TRABD2B: variants seen among roughly 807,000 people sequenced by gnomAD.
TRABD2B encodes the protein metalloprotease TIKI2.
A neutral mutation model predicts 40.1 loss-of-function variants in TRABD2B; 14 were observed. The ratio of observed to expected loss-of-function variants is 0.35; its 90% CI spans 0.23 to 0.55. The LOEUF (loss-of-function observed/expected upper bound fraction) is 0.55. Among genes scored for constraint, TRABD2B ranks in the 20% least tolerant of loss-of-function variants. The pLI, the probability that TRABD2B is intolerant of heterozygous loss-of-function variation, is 0.90. For synonymous variants in TRABD2B, 263 were observed against 277.0 expected (o/e 0.95, Z 0.50); for missense variants, 541 against 648.6 (o/e 0.83, Z 1.80).
At chr1:47,995,905 A>C (rs1304519718) in intron 1 of TRABD2B, among the ~76,000 whole-genome samples, 1 of 152,216 alleles carries the variant, frequency 6.6e-6, no homozygotes, top group East Asian at 1.9e-4. Flanking sequence ...CAGGCAGCAC[A>C]CCTACAGCAG....
chr1:47,778,281 A>G (rs1032364029), intron 5 of TRABD2B, among the ~76,000 whole-genome samples, 173 bp downstream of exon 5: 3 of 152,188 alleles, frequency 2.0e-5, no homozygotes, highest in Admixed American at 2.0e-4. Flanking sequence ...ACCTAGAGCC[A>G]AGACGGCTCA....
intron 2 of TRABD2B, among the ~76,000 whole-genome samples, chr1:47,898,818 AAATTCTG>A (rs1213751826): frequency 6.6e-6 from 1 of 152,212 alleles, no homozygotes; most frequent in East Asian, 1.9e-4. Context: ...AACATCCAAA[AAATTCTG>A]AATTCTGAAT....
chr1:47,809,848 C>T (rs950517311), intron 2 of TRABD2B, among the ~76,000 whole-genome samples: 2 of 152,208 alleles, frequency 1.3e-5, no homozygotes. Flanking sequence ...GGACTCTTCA[C>T]TACGAACCTC....
intron 2 of TRABD2B, among the ~76,000 whole-genome samples, chr1:47,824,157 G>A (rs1166247699): frequency 1.3e-5 from 2 of 152,200 alleles, no homozygotes; most frequent in Non-Finnish European, 2.9e-5. Context: ...GTGAGGGTCA[G>A]TGACACATAA....
intron 2 of TRABD2B, among the ~76,000 whole-genome samples, chr1:47,968,938 A>C (rs951351401): frequency 1.3e-5 from 2 of 152,328 alleles, no homozygotes; most frequent in African/African-American, 4.8e-5. Context: ...TGCTGAATGA[A>C]GACAAATGAA....
At chr1:47,903,494 TGTG>T (rs1644631875) in intron 2 of TRABD2B, among the ~76,000 whole-genome samples, 2 of 152,100 alleles carry the variant, frequency 1.3e-5, no homozygotes, top group Non-Finnish European at 2.9e-5. Flanking sequence ...TTGTCTGCAC[TGTG>T]TCTGTGCCCC....
chr1:47,989,969 G>A (rs896991524), intron 2 of TRABD2B, among the ~76,000 whole-genome samples: 2 of 152,124 alleles, frequency 1.3e-5, no homozygotes, highest in Admixed American at 6.6e-5. Flanking sequence ...AAATAAATAC[G>A]ATAATAAATC....
At chr1:47,929,776 C>G (rs930314398) in intron 2 of TRABD2B, among the ~76,000 whole-genome samples, 1 of 152,188 alleles carries the variant, frequency 6.6e-6, no homozygotes, top group African/African-American at 2.4e-5. Flanking sequence ...GCAATGCACA[C>G]TAAACCTGGT....
At chr1:47,987,327 G>A (rs1284566640) in intron 2 of TRABD2B, among the ~76,000 whole-genome samples, 1 of 152,138 alleles carries the variant, frequency 6.6e-6, no homozygotes, top group Non-Finnish European at 1.5e-5. Context: ...TAAGAGGCTA[G>A]GATTTCATGA....
intron 2 of TRABD2B, among the ~76,000 whole-genome samples, chr1:47,887,955 T>C (rs1385775477): frequency 1.3e-5 from 2 of 152,234 alleles, no homozygotes; most frequent in African/African-American, 4.8e-5. Flanking sequence ...AAAGCGCCTG[T>C]GCCTGCCCTC....
intron 2 of TRABD2B, among the ~76,000 whole-genome samples, chr1:47,838,449 G>A (rs139360530): frequency 6.6e-6 from 1 of 152,156 alleles, no homozygotes; most frequent in Non-Finnish European, 1.5e-5. Flanking sequence ...TCATGTCTGA[G>A]GTTCCTGCAG....
At position 47,767,769 on chromosome 1, in the gene TRABD2B, G is replaced by A. The variant is rs550084732; in HGVS notation, c.1350-1663C>T. Among the ~76,000 whole-genome samples, 6 of 152,330 alleles carry A rather than the reference G, an allele frequency of 3.9e-5. No individual in the cohort carries two copies. The East Asian group carries it at 9.7e-4, about 25-fold the overall frequency. ...TGCAGCATGCGTGCCTTCCTGCCAC[G>A]CTTCCCACTGCTTGCCCCACCTCGA... On this transcript the variant is annotated intron_variant, in intron 6 of 6. Coordinates refer to ENST00000606738, the MANE Select transcript of TRABD2B (RefSeq NM_001194986.2).
In TRABD2B at chr1:47,933,730, A is replaced by G. The variant is rs529623966; in HGVS notation, c.666+60304T>C. Among the ~76,000 whole-genome samples, 358 of 152,302 alleles carry G rather than the reference A, an allele frequency of 2.4e-3. 1 individual carries two copies. The highest frequency in any genetic ancestry group is 3.2e-3 in the Non-Finnish European group (218 of 68,030). On this transcript the variant is annotated intron_variant, in intron 2 of 6. Coordinates refer to ENST00000606738, the MANE Select transcript of TRABD2B (RefSeq NM_001194986.2). ...CCTGGAGAGACAGAACAGAGCTCCA[A>G]TCATCTTTGTAACTACAGGGCTTGA...
At chr1:47,918,389 A>C (rs1025240873) in intron 2 of TRABD2B, among the ~76,000 whole-genome samples, 1 of 152,140 alleles carries the variant, frequency 6.6e-6, no homozygotes, top group African/African-American at 2.4e-5. Context: ...AATGTGACCC[A>C]CCCTCCGAGT....
intron 2 of TRABD2B, among the ~76,000 whole-genome samples, chr1:47,858,094 A>G (rs534026286): frequency 3.0e-4 from 45 of 152,200 alleles, no homozygotes; most frequent in Admixed American, 5.2e-4. Context: ...ATCAAACTTT[A>G]TCATACGTAC....
At chr1:47,846,026 A>C (rs563550981) in intron 2 of TRABD2B, among the ~76,000 whole-genome samples, 2 of 152,196 alleles carry the variant, frequency 1.3e-5, no homozygotes, top group African/African-American at 2.4e-5. Context: ...ATAAATTTGC[A>C]AAGGGGGTCT....
At chr1:47,942,268 C>T (rs1259107871) in intron 2 of TRABD2B, among the ~76,000 whole-genome samples, 2 of 152,180 alleles carry the variant, frequency 1.3e-5, no homozygotes, top group African/African-American at 4.8e-5. Flanking sequence ...CAAAAGCCTC[C>T]TGCCCTCTTT....
At chr1:47,848,172 G>A (rs76221142) in intron 2 of TRABD2B, among the ~76,000 whole-genome samples, 1,652 of 152,260 alleles carry the variant, frequency 0.011, 14 homozygotes, top group Non-Finnish European at 0.017. Flanking sequence ...TCTCTATGAG[G>A]GCCAAACCCA....
chr1:47,977,403 A>G (rs1159958465), intron 2 of TRABD2B, among the ~76,000 whole-genome samples: 1 of 152,118 alleles, frequency 6.6e-6, no homozygotes, highest in Non-Finnish European at 1.5e-5. Flanking sequence ...GTGAGTTAGA[A>G]GGCCACTTGA....
Sources: allele counts gnomAD v4.1 joint callset (sites outside exome capture counted in the v4.1 genomes callset), GRCh38; gene constraint gnomAD v4.1.1; transcripts MANE v1.5; gene names NCBI Gene and HGNC (gene_info 2026-07-23, HGNC 2026-07-21).